GTF3C5: variants seen among roughly 807,000 people sequenced by gnomAD.
GTF3C5 encodes general transcription factor 3C polypeptide 5.
GTF3C5 carries 47 observed loss-of-function variants against 61.0 expected under a neutral mutation model. That is an observed-to-expected ratio of 0.77 (90% confidence interval 0.61 to 0.98). The LOEUF (loss-of-function observed/expected upper bound fraction) is 0.98, where lower values mean the gene tolerates loss of function less well. Ranked by LOEUF, GTF3C5 falls within the 50% of genes least tolerant of loss-of-function variation. The pLI is 0.00. For synonymous variants in GTF3C5, 295 were observed against 275.4 expected (o/e 1.07, Z -0.71); for missense variants, 659 against 703.3 (o/e 0.94, Z 0.71).
intron 10 of GTF3C5, among the ~76,000 whole-genome samples, chr9:133,057,544 C>T (rs1219093795): frequency 6.6e-6 from 1 of 152,146 alleles, no homozygotes. Flanking sequence ...AGGGTGTGGA[C>T]CCTTTCCCAG....
intron 7 of GTF3C5, 40 bp from the exon 8 acceptor site, chr9:133,054,672 C>A (rs1279641519): frequency 1.3e-6 from 2 of 1,517,132 alleles, no homozygotes; most frequent in Non-Finnish European, 1.8e-6. Context: ...ACCTCCTCCC[C>A]ACCCTGCACA....
chr9:133,036,751 C>G (rs748767335), intron 1 of GTF3C5, among the ~76,000 whole-genome samples: 2 of 152,060 alleles, frequency 1.3e-5, no homozygotes, highest in Non-Finnish European at 2.9e-5. Flanking sequence ...AATCCGTAAG[C>G]GGCAATATCC....
intron 1 of GTF3C5, among the ~76,000 whole-genome samples, chr9:133,032,940 T>C (rs1268459345): frequency 6.6e-6 from 1 of 152,180 alleles, no homozygotes; most frequent in Non-Finnish European, 1.5e-5. Context: ...AAGTACAACA[T>C]TGGGTTCCAA....
In GTF3C5 at chr9:133,035,865, T is replaced by TTAATTC. The variant is rs1849847412; in HGVS notation, c.153+4701_153+4702insTAATTC. On this transcript the variant is annotated intron_variant, in intron 1 of 10. Coordinates refer to ENST00000372097, the MANE Select transcript of GTF3C5 (RefSeq NM_012087.4). ...GGTGATTAATTCCTTGTGGGCAAGG[T>TTAATTC]CTTGGCCTTTGCTATTAATGAGACC... Among the ~76,000 whole-genome samples, 5 of 152,286 alleles carry TTAATTC rather than the reference T, an allele frequency of 3.3e-5. No individual in the cohort carries two copies. The South Asian group carries it at 8.3e-4, about 25-fold the overall frequency.
In GTF3C5 at chr9:133,036,776, A is replaced by C. The variant is rs1849875210; in HGVS notation, c.154-5311A>C. 2.0e-5 allele frequency among the ~76,000 whole-genome samples: 3 copies of C among 152,120 alleles called. No individual in the cohort carries two copies. In the South Asian group the frequency reaches 6.2e-4, roughly 31 times the overall value. On this transcript the variant is annotated intron_variant, in intron 1 of 10. Coordinates refer to ENST00000372097, the MANE Select transcript of GTF3C5 (RefSeq NM_012087.4). ...CGGCAATATCCAACCAATCCTAGGA[A>C]TGTTACGAGTTCCTGCTTAGTTTTA...
intron 3 of GTF3C5, among the ~76,000 whole-genome samples, chr9:133,049,067 G>T (rs77684750): frequency 0.07 from 10,592 of 152,268 alleles, 400 homozygotes; most frequent in Middle Eastern, 0.088. Context: ...CTGGAGGATG[G>T]TGGGTCCCTC....
At chr9:133,046,658 C>A (rs1343977371) in intron 3 of GTF3C5, among the ~76,000 whole-genome samples, 1 of 152,068 alleles carries the variant, frequency 6.6e-6, no homozygotes, top group East Asian at 1.9e-4. Flanking sequence ...AGTGCAGGGG[C>A]GGGGAGCTAG....
rs965463478 is a variant in GTF3C5, at chr9:133,057,003, AC to A, written c.1393+98del. 5.7e-6 allele frequency: 7 copies of A among 1,237,928 alleles called. No individual in the cohort carries two copies. The African/African-American group carries it at 7.8e-5, about 14-fold the overall frequency. The allele number at this position is 1,237,928 out of a possible 1,614,324, so 76.7% of individuals were successfully genotyped here. On this transcript the variant is annotated intron_variant, in intron 10 of 10. Transcript: ENST00000372097. ...AGGGGACCCATTCCTGGGAAATGGC[AC>A]CCAGGTGGCATCATCTTGCCCCTGG... is the stretch of plus-strand genomic sequence containing the variant.
At chr9:133,041,652 G>A (rs541037031) in intron 1 of GTF3C5, among the ~76,000 whole-genome samples, 188 of 152,292 alleles carry the variant, frequency 1.2e-3, no homozygotes, top group Non-Finnish European at 2.3e-3. Flanking sequence ...CATTTTGGTG[G>A]TAGTGGTCCC....
At position 133,050,160 on chromosome 9, in the gene GTF3C5, C is replaced by G. The variant is rs192365931; in HGVS notation, c.573-623C>G. Among the ~76,000 whole-genome samples the G allele has an allele frequency of 1.1e-3, 170 of 152,156 alleles. No individual in the cohort carries two copies. In the South Asian group the frequency reaches 0.014, roughly 12 times the overall value. On this transcript the variant is annotated intron_variant, in intron 3 of 10. Coordinates refer to ENST00000372097, the MANE Select transcript of GTF3C5 (RefSeq NM_012087.4). The stretch of plus-strand genomic sequence containing the variant: ...TGTGTGATGGGACCTTTGCAGCCAG[C>G]CTTCTCGATGGGAGTCCCAGCTCCT...
Position 133,053,831 on chromosome 9 carries a change from A to G in GTF3C5, c.877A>G (p.Thr293Ala). 1 of 1,603,340 alleles carries G rather than the reference A, an allele frequency of 6.2e-7. No homozygotes were observed. Among genetic ancestry groups the G allele is most frequent in the South Asian group, 1.1e-5 (1 of 90,574 alleles). Residue 293 changes from threonine (T) to alanine (A), a missense_variant, in exon 6 of 11, where the codon ACA becomes GCA. Coordinates refer to ENST00000372097, the MANE Select transcript of GTF3C5 (RefSeq NM_012087.4). The part of the protein sequence containing the change: ...LLPFIAYYMI[T>A]GPWRSLWIRF... The stretch of plus-strand genomic sequence containing the variant: ...TTTCCCCACTTTTCTGTCCCAGATA[A>G]CAGGCCCCTGGCGCAGCCTATGGAT...
At position 133,053,950 on chromosome 9, in the gene GTF3C5, T is replaced by A; in HGVS notation, c.988+8T>A. The A allele has an allele frequency of 6.5e-7, 1 of 1,545,232 alleles. No homozygotes were observed. The highest frequency in any genetic ancestry group is 1.7e-5 in the Admixed American group (1 of 59,044). ...GTTGTGGAATGAAACACGGTAAAAATTCCTGAAAGCTTTGCTTCCTGCCTT... is the reference window on the plus strand; with the variant it reads ...GTTGTGGAATGAAACACGGTAAAAAATCCTGAAAGCTTTGCTTCCTGCCTT... On this transcript the variant is annotated splice_region_variant and intron_variant, in intron 6 of 10. Coordinates refer to ENST00000372097, the MANE Select transcript of GTF3C5 (RefSeq NM_012087.4).
At chr9:133,036,555 C>G (rs934513950) in intron 1 of GTF3C5, among the ~76,000 whole-genome samples, 1 of 152,252 alleles carries the variant, frequency 6.6e-6, no homozygotes, top group South Asian at 2.1e-4. Flanking sequence ...AAAGCTACCC[C>G]CTTCTTTACA....
At chr9:133,038,374 A>G (rs571051604) in intron 1 of GTF3C5, among the ~76,000 whole-genome samples, 1 of 150,894 alleles carries the variant, frequency 6.6e-6, no homozygotes, top group African/African-American at 2.4e-5. Context: ...GGGCTTTGGT[A>G]TCTGTAATTG....
chr9:133,040,961 C>A (rs1018402951), intron 1 of GTF3C5, among the ~76,000 whole-genome samples: 6 of 152,172 alleles, frequency 3.9e-5, no homozygotes, highest in Non-Finnish European at 5.9e-5. Flanking sequence ...ATAATCCTCG[C>A]TCTATAATCA....
chr9:133,051,778 G>T (rs959799716), intron 4 of GTF3C5, among the ~76,000 whole-genome samples: 18 of 152,202 alleles, frequency 1.2e-4, no homozygotes, highest in African/African-American at 4.1e-4. Flanking sequence ...TCCCCACCGC[G>T]CTGTGGGCTC....
In GTF3C5 at chr9:133,042,124, TC is replaced by T. The variant is rs1260693509; in HGVS notation, c.193del (p.Arg65GlyfsTer140). The T allele has an allele frequency of 6.2e-7, 1 of 1,613,992 alleles. No homozygotes were observed. Among genetic ancestry groups the T allele is most frequent in the African/African-American group, 1.3e-5 (1 of 75,010 alleles). On this transcript the variant is annotated frameshift_variant, in exon 2 of 11. Transcript: ENST00000372097. LOFTEE classifies it high-confidence loss of function. ...CCCACCAAGAGGCTGGAGCTGTACTTCCGGCCCAAGGACCCATACTGCCACC... is the reference window on the plus strand; with the variant it reads ...CCCACCAAGAGGCTGGAGCTGTACTTCGGCCCAAGGACCCATACTGCCACC... ...ADPTKRLELY[F>X]RPKDPYCHPV...
At chr9:133,047,801 C>T (rs904373254) in intron 3 of GTF3C5, among the ~76,000 whole-genome samples, 4 of 152,330 alleles carry the variant, frequency 2.6e-5, no homozygotes, top group Admixed American at 2.0e-4. Context: ...GGATTACAGG[C>T]GTAAGCCACC....
At chr9:133,034,076 G>A (rs888370351) in intron 1 of GTF3C5, among the ~76,000 whole-genome samples, 2 of 152,154 alleles carry the variant, frequency 1.3e-5, no homozygotes, top group Non-Finnish European at 2.9e-5. Flanking sequence ...CGTACCGTCC[G>A]AATACAGAGG....
Sources: allele counts gnomAD v4.1 joint callset (sites outside exome capture counted in the v4.1 genomes callset), GRCh38; gene constraint gnomAD v4.1.1; transcripts MANE v1.5; gene names NCBI Gene and HGNC (gene_info 2026-07-23, HGNC 2026-07-21).